The following P2RX3 variants were observed in gnomAD, a reference collection of about 807,000 sequenced individuals.
The protein encoded by P2RX3 is purinergic receptor P2X 3, also known as P2X purinoceptor 3.
In P2RX3, 41 loss-of-function variants were observed where a neutral mutation model predicts 51.5. The ratio of observed to expected loss-of-function variants is 0.80; its 90% confidence interval spans 0.62 to 1.03. The LOEUF is 1.03. Among genes scored for constraint, P2RX3 ranks in the 50% least tolerant of loss-of-function variants. The pLI is 0.00. For synonymous variants in P2RX3, 185 were observed against 191.6 expected (o/e 0.97, Z 0.29); for missense variants, 459 against 522.1 (o/e 0.88, Z 1.18).
rs937405185 is a variant in P2RX3 at position 57,370,214 on chromosome 11, C to T, written c.*217C>T. The T allele has an allele frequency of 2.6e-5, 14 of 539,620 alleles. No individual in the cohort carries two copies. The highest frequency in any genetic ancestry group is 5.7e-5 in the African/African-American group (3 of 52,986). 33.4% of individuals were successfully genotyped at this position (539,620 alleles called of 1,614,324 possible). On this transcript the variant is annotated 3_prime_UTR_variant, in exon 12 of 12. Transcript: ENST00000263314. Reference sequence around the variant, plus strand: ...TCTCACCTTCACTCCTTGCCTGGCCCCATCTGCTTCCTAGGACCCCTGGGG... The same window carrying T: ...TCTCACCTTCACTCCTTGCCTGGCCTCATCTGCTTCCTAGGACCCCTGGGG...
At chr11:57,342,901 T>G (rs1391451885) in intron 1 of P2RX3, among the ~76,000 whole-genome samples, 4 of 151,966 alleles carry the variant, frequency 2.6e-5, no homozygotes, top group African/African-American at 9.7e-5. Context: ...GATGGGAGGG[T>G]GCTGGGGCGC....
At chr11:57,352,635 G>T (rs1402393467) in intron 8 of P2RX3, among the ~76,000 whole-genome samples, 1 of 152,180 alleles carries the variant, frequency 6.6e-6, no homozygotes, top group Non-Finnish European at 1.5e-5. Context: ...TACAGTTTTA[G>T]AACAGCATCT....
chr11:57,338,557 T>C lies in P2RX3; in HGVS notation c.7T>C (p.Cys3Arg), dbSNP rs927729494. 7 of 1,584,858 alleles carry C rather than the reference T, an allele frequency of 4.4e-6. No individual in the cohort carries two copies. The Admixed American group carries it at 6.7e-5, about 15-fold the overall frequency. ...CCCTGAGCACTCTCTCAGCATGAAC[T>C]GCATATCCGACTTCTTCACCTATGA... MN[C>R]ISDFFTYETT... The change falls in exon 1 of 12, where the codon TGC becomes CGC. Residue 3 changes from cysteine (C) to arginine (R), a missense_variant. Cys to Arg is a radical substitution (Grantham distance 180, BLOSUM62 -3). Transcript: ENST00000263314.
chr11:57,350,683 C>T, intron 7 of P2RX3, 79 bp from the exon 8 acceptor site: 2 of 1,568,986 alleles, frequency 1.3e-6, no homozygotes, highest in African/African-American at 1.3e-5. Context: ...TTGTCACCAC[C>T]TCCACCCCAC....
chr11:57,344,581 C>T (rs1856399219), intron 1 of P2RX3, among the ~76,000 whole-genome samples: 4 of 152,088 alleles, frequency 2.6e-5, no homozygotes, highest in Admixed American at 2.6e-4. Context: ...TGCCTGTAGT[C>T]CCAGCTACTC....
At chr11:57,350,472 C>T (rs1453061088) in intron 7 of P2RX3, 2 of 325,514 alleles carry the variant, frequency 6.1e-6, no homozygotes, top group African/African-American at 4.2e-5. Context: ...TTAGTAGAGT[C>T]AGGGGTTCGC....
At chr11:57,358,880 C>T (rs897856768) in intron 8 of P2RX3, among the ~76,000 whole-genome samples, 5 of 152,166 alleles carry the variant, frequency 3.3e-5, no homozygotes, top group African/African-American at 7.2e-5. Context: ...AGGGAGCGCA[C>T]GCACACTCAC....
chr11:57,358,007 C>T (rs1406374381), intron 8 of P2RX3, among the ~76,000 whole-genome samples: 1 of 152,156 alleles, frequency 6.6e-6, no homozygotes, highest in Non-Finnish European at 1.5e-5. Flanking sequence ...GTAACAGTTA[C>T]GTGTCCCTGC....
intron 8 of P2RX3, among the ~76,000 whole-genome samples, chr11:57,366,371 C>A (rs1856796715): frequency 6.6e-6 from 1 of 152,142 alleles, no homozygotes; most frequent in African/African-American, 2.4e-5. Flanking sequence ...GAACACTAAC[C>A]CCTGTTTGTG....
intron 8 of P2RX3, among the ~76,000 whole-genome samples, chr11:57,357,160 T>C (rs56077100): frequency 6.6e-6 from 1 of 151,792 alleles, no homozygotes; most frequent in African/African-American, 2.4e-5. Context: ...CTATTAAAAA[T>C]TTTTTTAAAA....
intron 4 of P2RX3, 142 bp from the exon 5 acceptor site, chr11:57,348,028 G>A: frequency 1.4e-6 from 1 of 708,780 alleles, no homozygotes; most frequent in Admixed American, 2.9e-5. Context: ...GAAGCAGCAG[G>A]AGAGAAGTCA....
intron 8 of P2RX3, among the ~76,000 whole-genome samples, chr11:57,361,530 G>A (rs1244212509): frequency 2.0e-5 from 3 of 152,156 alleles, no homozygotes; most frequent in Non-Finnish European, 4.4e-5. Context: ...ACTTATGAAT[G>A]ATAACATGCA....
intron 8 of P2RX3, among the ~76,000 whole-genome samples, chr11:57,367,177 C>A (rs1037756239): frequency 3.3e-5 from 5 of 152,232 alleles, no homozygotes; most frequent in African/African-American, 1.2e-4. Context: ...ACTCAATGCT[C>A]ATGGCAGCCT....
chr11:57,354,383 A>G (rs1322081876), intron 8 of P2RX3, among the ~76,000 whole-genome samples: 2 of 152,142 alleles, frequency 1.3e-5, no homozygotes, highest in Non-Finnish European at 2.9e-5. Flanking sequence ...TTCTAAGCAC[A>G]CTGAGATTGC....
At chr11:57,348,459 G>T in intron 5 of P2RX3, 168 bp from the exon 6 acceptor site, 1 of 705,900 alleles carries the variant, frequency 1.4e-6, no homozygotes, top group Non-Finnish European at 2.3e-6. Context: ...CTCCTGCTGT[G>T]ACACTCAGGC....
chr11:57,360,251 CCTAG>C (rs1856693491), intron 8 of P2RX3, among the ~76,000 whole-genome samples: 1 of 152,166 alleles, frequency 6.6e-6, no homozygotes, highest in Non-Finnish European at 1.5e-5. Context: ...CACTTTCCCA[CCTAG>C]CTAGCTGCCA....
intron 8 of P2RX3, among the ~76,000 whole-genome samples, chr11:57,364,556 T>G (rs929299788): frequency 1.3e-5 from 2 of 152,250 alleles, no homozygotes; most frequent in Non-Finnish European, 2.9e-5. Flanking sequence ...TATAAGGACC[T>G]CCTGGAGCCT....
intron 7 of P2RX3, 24 bp from the exon 8 acceptor site, chr11:57,350,738 C>T: frequency 1.9e-6 from 3 of 1,613,442 alleles, no homozygotes; most frequent in Non-Finnish European, 8.5e-7. Context: ...GAGGGGAAAG[C>T]TCATACCCGG....
chr11:57,361,331 G>A (rs141210039), intron 8 of P2RX3, among the ~76,000 whole-genome samples: 3,177 of 151,826 alleles, frequency 0.021, 59 homozygotes, highest in Non-Finnish European at 0.033. Context: ...TGTGCAGGAC[G>A]TGCAGGTTTG....
Sources: allele counts gnomAD v4.1 joint callset (sites outside exome capture counted in the v4.1 genomes callset), GRCh38; gene constraint gnomAD v4.1.1; transcripts MANE v1.5; gene names NCBI Gene and HGNC (gene_info 2026-07-23, HGNC 2026-07-21).